PAG1: variants seen among roughly 807,000 people sequenced by gnomAD.
PAG1 encodes the protein phosphoprotein membrane anchor with glycosphingolipid microdomains 1.
PAG1 carries 23 observed loss-of-function variants against 31.7 expected under a neutral mutation model. The observed-to-expected ratio is 0.73, with a 90% confidence interval of 0.52 to 1.03. The LOEUF (loss-of-function observed/expected upper bound fraction) is 1.03. Ranked by LOEUF, PAG1 falls within the 50% of genes least tolerant of loss-of-function variation. The pLI is 0.00. For missense variants in PAG1, 473 were observed against 540.7 expected (o/e 0.87, Z 1.24); for synonymous variants, 214 against 210.3 (o/e 1.02, Z -0.15).
At chr8:81,036,209 C>T (rs4739611) in intron 2 of PAG1, among the ~76,000 whole-genome samples, 75,454 of 151,938 alleles carry the variant, frequency 0.5, 21,282 homozygotes, top group Admixed American at 0.63. Flanking sequence ...CATGTGAGGC[C>T]TAATGTGGAC....
intron 5 of PAG1, among the ~76,000 whole-genome samples, chr8:80,988,404 G>C (rs1807470499): frequency 6.6e-6 from 1 of 152,214 alleles, no homozygotes; most frequent in Non-Finnish European, 1.5e-5. Context: ...GCCTCTGGCT[G>C]CTAGGTTCAC....
At chr8:81,003,144 A>G (rs1807818149) in intron 3 of PAG1, among the ~76,000 whole-genome samples, 1 of 152,158 alleles carries the variant, frequency 6.6e-6, no homozygotes, top group African/African-American at 2.4e-5. Context: ...GGGCCCGGCA[A>G]CCTCTGTATT....
intron 2 of PAG1, among the ~76,000 whole-genome samples, chr8:81,067,232 C>T (rs970973136): frequency 6.6e-6 from 1 of 152,174 alleles, no homozygotes; most frequent in Non-Finnish European, 1.5e-5. Context: ...AGCCAAGATG[C>T]TAACAATGGT....
In PAG1 at chr8:80,980,303, C is replaced by G; in HGVS notation, c.936+132G>C. The G allele has an allele frequency of 8.2e-6, 5 of 612,180 alleles. No homozygotes were observed. In the South Asian group the frequency reaches 9.9e-5, roughly 12 times the overall value. 37.9% of individuals were successfully genotyped at this position (612,180 alleles called of 1,614,324 possible). A position where few individuals can be genotyped will look rare whatever the true frequency, so the allele number is the denominator to read the frequency against. The stretch of plus-strand genomic sequence containing the variant: ...CCATTATAAAACCAGCATCCCAAGT[C>G]TTCATCTCCAAACATAGGCATAGGA... On this transcript the variant is annotated intron_variant, in intron 8 of 8. Coordinates refer to ENST00000220597, the MANE Select transcript of PAG1 (RefSeq NM_018440.4).
chr8:80,987,569 G>A (rs1807451445), intron 5 of PAG1, 103 bp from the exon 6 acceptor site: 1 of 759,746 alleles, frequency 1.3e-6, no homozygotes, highest in African/African-American at 1.7e-5. Flanking sequence ...AATTAAAACA[G>A]CAGAAACAGA....
intron 1 of PAG1, among the ~76,000 whole-genome samples, chr8:81,088,740 G>C (rs186515945): frequency 6.6e-6 from 1 of 152,246 alleles, no homozygotes; most frequent in Admixed American, 6.5e-5. Context: ...AAAGAAGCTA[G>C]CTTAACATGC....
At chr8:81,091,905 C>T (rs75197615) in intron 1 of PAG1, among the ~76,000 whole-genome samples, 2,150 of 150,282 alleles carry the variant, frequency 0.014, 59 homozygotes, top group African/African-American at 0.049. Context: ...AAGGGTGAGG[C>T]GGGAGAATTG....
chr8:81,062,132 G>T (rs1230095412), intron 2 of PAG1, among the ~76,000 whole-genome samples: 4 of 152,162 alleles, frequency 2.6e-5, no homozygotes, highest in African/African-American at 7.2e-5. Flanking sequence ...ATCTATAAAA[G>T]CACCCACACT....
chr8:81,002,344 A>C (rs941912692), intron 3 of PAG1, among the ~76,000 whole-genome samples: 3 of 152,226 alleles, frequency 2.0e-5, no homozygotes, highest in African/African-American at 7.2e-5. Context: ...GATATTGAAA[A>C]GATCCACTTC....
intron 1 of PAG1, among the ~76,000 whole-genome samples, chr8:81,109,056 GTA>G (rs1459178077): frequency 2.0e-5 from 3 of 152,170 alleles, no homozygotes; most frequent in Non-Finnish European, 4.4e-5. Flanking sequence ...ACCCTCCAGT[GTA>G]AACTCTAACA....
chr8:80,984,750 G>A, intron 7 of PAG1, 26 bp downstream of exon 7: 2 of 1,586,092 alleles, frequency 1.3e-6, no homozygotes, highest in Non-Finnish European at 1.7e-6. Flanking sequence ...AACCCACAAA[G>A]ACAAAACAAA....
At chr8:81,019,315 C>T (rs1808122873) in intron 3 of PAG1, among the ~76,000 whole-genome samples, 2 of 152,192 alleles carry the variant, frequency 1.3e-5, no homozygotes, top group African/African-American at 4.8e-5. Flanking sequence ...TAATGAGGAA[C>T]CAAATGTTAA....
At chr8:81,065,841 A>G (rs1407838487) in intron 2 of PAG1, among the ~76,000 whole-genome samples, 1 of 150,422 alleles carries the variant, frequency 6.6e-6, no homozygotes, top group African/African-American at 2.5e-5. Flanking sequence ...ATATGTTTAT[A>G]TATATCATAT....
intron 2 of PAG1, among the ~76,000 whole-genome samples, chr8:81,044,068 C>T (rs185895084): frequency 6.6e-6 from 1 of 152,284 alleles, no homozygotes; most frequent in East Asian, 1.9e-4. Context: ...ACTACTCTTG[C>T]CCCTTTTGCA....
Position 80,970,704 on chromosome 8 carries a change from G to A in PAG1, c.*5840C>T, listed in dbSNP as rs555958363. On this transcript the variant is annotated 3_prime_UTR_variant, in exon 9 of 9. Coordinates refer to ENST00000220597, the MANE Select transcript of PAG1 (RefSeq NM_018440.4). Reference sequence around the variant, plus strand: ...GCCCCTTAGTGTCAACCATTCTTACGAAAGATGTGAGCAACAGTGTACATG... The same window carrying A: ...GCCCCTTAGTGTCAACCATTCTTACAAAAGATGTGAGCAACAGTGTACATG... 78 of 153,030 alleles carry A rather than the reference G, an allele frequency of 5.1e-4. No homozygotes were observed. The highest frequency in any genetic ancestry group is 1.7e-3 in the African/African-American group (69 of 41,554). The allele number at this position is 153,030 out of a possible 1,614,324, so 9.5% of individuals were successfully genotyped here.
At chr8:81,081,180 C>G (rs1045010057) in intron 1 of PAG1, among the ~76,000 whole-genome samples, 2 of 151,686 alleles carry the variant, frequency 1.3e-5, no homozygotes, top group African/African-American at 4.8e-5. Flanking sequence ...AAAACAGAAT[C>G]CCTTGCCTTC....
At chr8:81,028,168 T>G (rs955039287) in intron 3 of PAG1, among the ~76,000 whole-genome samples, 2 of 152,192 alleles carry the variant, frequency 1.3e-5, no homozygotes, top group African/African-American at 4.8e-5. Flanking sequence ...TGGGAACACA[T>G]AGCCTCAAGA....
chr8:81,082,252 C>CAAAAAAAAAAAAAAA (rs748117144), intron 1 of PAG1, among the ~76,000 whole-genome samples: 1 of 48,092 alleles, frequency 2.1e-5, no homozygotes, highest in African/African-American at 6.6e-5. Flanking sequence ...GACTCTGTCT[C>CAAAAAAAAAAAAAAA]AAAAAAAAAA....
intron 2 of PAG1, among the ~76,000 whole-genome samples, chr8:81,033,732 A>G (rs527995061): frequency 6.6e-6 from 1 of 152,320 alleles, no homozygotes; most frequent in African/African-American, 2.4e-5. Context: ...TTTTTACCAA[A>G]CTAACCTGAA....
Sources: gnomAD v4.1 joint callset for allele counts (sites outside exome capture counted in the v4.1 genomes callset) on GRCh38, gnomAD v4.1.1 for gene constraint, MANE v1.5 for transcripts, NCBI Gene and HGNC (gene_info 2026-07-23, HGNC 2026-07-21) for gene names.